Variants in TMC6 observed in about 807,000 individuals in gnomAD.
TMC6 encodes the protein transmembrane channel-like protein 6.
TMC6 carries 71 observed loss-of-function variants against 95.4 expected under a neutral mutation model. That is an observed-to-expected ratio of 0.74 (90% CI 0.61 to 0.91). The LOEUF is 0.91. Ranked by LOEUF, TMC6 falls within the 40% of genes least tolerant of loss-of-function variation. The pLI is 0.00. For missense variants in TMC6, 1,074 were observed against 1,079.1 expected (o/e 1.00, Z 0.07); for synonymous variants, 514 against 483.1 (o/e 1.06, Z -0.84).
In TMC6 at chr17:78,121,563, A is replaced by T; in HGVS notation, c.1376T>A (p.Met459Lys). 1 of 1,611,386 alleles carries T rather than the reference A, an allele frequency of 6.2e-7. No individual in the cohort carries two copies. The highest frequency in any genetic ancestry group is 8.5e-7 in the Non-Finnish European group (1 of 1,179,728). ...AVAVHVFSEF[M>K]IQSPEAAGQE... The stretch of plus-strand genomic sequence containing the variant: ...CTCCCCCCATCCCCGCACCTGGATC[A>T]TGAACTCCGAGAAGACGTGGACGGC... The change falls in exon 11 of 20, where the codon ATG becomes AAG. Residue 459 changes from methionine to lysine, a missense_variant. By Grantham distance (95) the Met-to-Lys change is moderately conservative. Coordinates refer to ENST00000590602, the MANE Select transcript of TMC6 (RefSeq NM_001127198.5). The surrounding 1 kb of genome is among the most constrained non-coding windows in gnomAD (Gnocchi z 5.6).
Position 78,113,558 on chromosome 17 carries a change from C to T in TMC6, c.2344G>A (p.Glu782Lys). The change falls in exon 19 of 20, where the codon GAG becomes AAG. Residue 782 changes from glutamate (E) to lysine (K), a missense_variant. Transcript: ENST00000590602. ...TCCACGGACCCTCACCTGCTCCTCT[C>T]CTCCCTCTCCTTCCTCTCGTAGATG... The part of the protein sequence containing the change: ...HSIYERKERE[E>K]RSRVGTTEEA... 5 of 1,614,008 alleles carry T rather than the reference C, an allele frequency of 3.1e-6. No individual in the cohort carries two copies. The highest frequency in any genetic ancestry group is 1.3e-5 in the African/African-American group (1 of 75,006).
chr17:78,116,839 C>T (rs1348902459), intron 18 of TMC6, among the ~76,000 whole-genome samples: 1 of 152,138 alleles, frequency 6.6e-6, no homozygotes, highest in African/African-American at 2.4e-5. Flanking sequence ...GAGACTGTGC[C>T]ACTGCACTCC....
At chr17:78,123,427 G>A (rs1433726107) in intron 9 of TMC6, among the ~76,000 whole-genome samples, 1 of 151,746 alleles carries the variant, frequency 6.6e-6, no homozygotes, top group East Asian at 1.9e-4. Context: ...GGATAGATAA[G>A]GAGGTGGATG....
upstream of TMC6, chr17:78,131,984 G>C: frequency 6.6e-7 from 1 of 1,525,170 alleles, no homozygotes; most frequent in African/African-American, 1.4e-5. Flanking sequence ...CGCAGCGGCT[G>C]GCCCGGGGCC....
chr17:78,121,128 CCAG>C lies in TMC6; in HGVS notation c.1417_1419del (p.Leu473del). On this transcript the variant is annotated inframe_deletion, in exon 12 of 20. Transcript: ENST00000590602. The surrounding 1 kb of genome is among the most constrained non-coding windows in gnomAD (Gnocchi z 5.6). ...AGGAGGCCAACCACCAGGGGCAGGA[CCAG>C]CAGCACAGCCTCCTGGCCAGCAGCC... 1.2e-6 allele frequency: 2 copies of C among 1,608,664 alleles called. No homozygotes were observed. Among genetic ancestry groups the C allele is most frequent in the African/African-American group, 2.7e-5 (2 of 74,852 alleles).
chr17:78,111,873 AAGCCTG>A lies in TMC6; in HGVS notation c.*1269_*1274del. On this transcript the variant is annotated 3_prime_UTR_variant, in exon 20 of 20. Coordinates refer to ENST00000590602, the MANE Select transcript of TMC6 (RefSeq NM_001127198.5). ...TGGGCTGTGACAGGCTGGTCCCCAC[AAGCCTG>A]GAACCCTGCGCCGTGACGGGCTGGT... is the stretch of plus-strand genomic sequence containing the variant. The A allele has an allele frequency of 4.8e-6, 1 of 210,464 alleles. No homozygotes were observed. The highest frequency in any genetic ancestry group is 2.4e-5 in the African/African-American group (1 of 41,640). 13.0% of individuals were successfully genotyped at this position (210,464 alleles called of 1,614,324 possible).
intron 13 of TMC6, chr17:78,120,152 C>CT (rs35789255): frequency 0.061 from 9,174 of 149,988 alleles, 27 homozygotes; most frequent in Non-Finnish European, 0.07. Context: ...ATACACGTTA[C>CT]TTTTTTTTTT....
chr17:78,119,518 C>G (rs2074302925), intron 13 of TMC6, 126 bp from the exon 14 acceptor site: 1 of 938,412 alleles, frequency 1.1e-6, no homozygotes, highest in African/African-American at 1.6e-5. Flanking sequence ...CAGATAATGC[C>G]AAGAAGAGAC....
intron 18 of TMC6, among the ~76,000 whole-genome samples, chr17:78,116,294 T>TA (rs1334441466): frequency 2.7e-5 from 4 of 147,724 alleles, no homozygotes; most frequent in African/African-American, 7.6e-5. Flanking sequence ...TTTTTTTTTT[T>TA]ATGAGACAGA....
chr17:78,119,856 G>A (rs183418802), intron 13 of TMC6: 41 of 340,982 alleles, frequency 1.2e-4, no homozygotes, highest in East Asian at 5.3e-4. Context: ...CTCTGTTGCC[G>A]AGGCTGGTCT....
Position 78,121,205 on chromosome 17 carries a change from C to T in TMC6, c.1384-41G>A. 2.6e-6 allele frequency: 4 copies of T among 1,554,460 alleles called. No individual in the cohort carries two copies. Among genetic ancestry groups the T allele is most frequent in the Non-Finnish European group, 3.5e-6 (4 of 1,151,344 alleles). ...GAGCGGTGTCATGGAAGCCCCCCAT[C>T]CATGGTGGGAGCGGGCAGCTACAGG... On this transcript the variant is annotated intron_variant, in intron 11 of 19. Coordinates refer to ENST00000590602, the MANE Select transcript of TMC6 (RefSeq NM_001127198.5). This position sits in a 1 kb window ranked among gnomAD's most constrained non-coding sequence, Gnocchi z 5.6.
In TMC6 at chr17:78,112,732, G is replaced by A; in HGVS notation, c.*416C>T. 1 of 272,046 alleles carries A rather than the reference G, an allele frequency of 3.7e-6. No homozygotes were observed. Among genetic ancestry groups the A allele is most frequent in the East Asian group, 9.7e-5 (1 of 10,360 alleles). The allele number at this position is 272,046 out of a possible 1,614,324, so 16.9% of individuals were successfully genotyped here. ...CCCTCCTGGGCGCGAGTTCAGGCTG[G>A]TCAAAGGCAGCAAGCGAATCAAGCC... On this transcript the variant is annotated 3_prime_UTR_variant, in exon 20 of 20. Transcript: ENST00000590602.
rs755122700 is a variant in TMC6 at position 78,117,501 on chromosome 17, G to C, written c.2165C>G (p.Thr722Ser). 32 of 1,608,964 alleles carry C rather than the reference G, an allele frequency of 2.0e-5. No individual in the cohort carries two copies. The highest frequency in any genetic ancestry group is 2.5e-5 in the Non-Finnish European group (30 of 1,178,890). The part of the protein sequence containing the change: ...PWVHRYLMEN[T>S]FFVFLVSALL... ...GGCTGACACCAGGAAGACAAAGAAGGTGTTTTCCATCAGGTACCGGTGCAC... is the reference window on the plus strand; with the variant it reads ...GGCTGACACCAGGAAGACAAAGAAGCTGTTTTCCATCAGGTACCGGTGCAC... The change falls in exon 17 of 20, where the codon ACC becomes AGC. Residue 722 changes from threonine (T) to serine (S), a missense_variant. Transcript: ENST00000590602.
Position 78,124,648 on chromosome 17 carries a change from A to G in TMC6, c.767T>C (p.Leu256Pro). 1 of 1,611,974 alleles carries G rather than the reference A, an allele frequency of 6.2e-7. No individual in the cohort carries two copies. The highest frequency in any genetic ancestry group is 8.5e-7 in the Non-Finnish European group (1 of 1,179,552). Residue 256 changes from leucine (L) to proline (P), a missense_variant, in exon 8 of 20, where the codon CTG becomes CCG. By Grantham distance (98) the Leu-to-Pro change is moderately conservative (BLOSUM62 -3). Transcript: ENST00000590602. The stretch of plus-strand genomic sequence containing the variant: ...CAGCAGCAGGAGGGCATTGAAAGCC[A>G]GCAGGGTCTTGAGAAAGAGGAAGTA... ...LSYFLFLKTL[L>P]AFNALLLLLL...
chr17:78,131,239 CAGACTTTCTGTGCCCTT>C, upstream of TMC6: 1 of 423,498 alleles, frequency 2.4e-6, no homozygotes, highest in Non-Finnish European at 4.4e-6. Flanking sequence ...TGTGCCGGTC[CAGACTTTCTGTGCCCTT>C]TGGATCTTTC....
chr17:78,118,826 G>A, intron 15 of TMC6, 145 bp downstream of exon 15: 5 of 872,442 alleles, frequency 5.7e-6, no homozygotes, highest in Non-Finnish European at 9.4e-6. Flanking sequence ...TGGGCGGAGG[G>A]ACAGGCCAGG....
chr17:78,122,612 C>T lies in TMC6; in HGVS notation c.1220G>A (p.Arg407Gln), dbSNP rs778240150. The change falls in exon 10 of 20, where the codon CGG (arginine) becomes CAG (glutamine). Residue 407 changes from arginine (R) to glutamine (Q), a missense_variant. Physicochemically the swap from Arg to Gln is conservative, Grantham distance 43. Transcript: ENST00000590602. The surrounding 1 kb of genome is among the most constrained non-coding windows in gnomAD (Gnocchi z 4.9). ...TGCTCCGGGGCCACTCACCTTCAGCCGGGTGCGAATATTGTCCTGCTGGAG... is the reference window on the plus strand; with the variant it reads ...TGCTCCGGGGCCACTCACCTTCAGCTGGGTGCGAATATTGTCCTGCTGGAG... ...SRLQQDNIRT[R>Q]LKELLAEWQL... The T allele has an allele frequency of 1.1e-5, 18 of 1,610,330 alleles. No individual in the cohort carries two copies. Among genetic ancestry groups the T allele is most frequent in the South Asian group, 2.2e-5 (2 of 91,072 alleles).
At chr17:78,119,892 C>A in intron 13 of TMC6, 1 of 329,382 alleles carries the variant, frequency 3.0e-6, no homozygotes, top group Non-Finnish European at 5.8e-6. Context: ...AAGTGATCCT[C>A]CCACCTCAGC....
chr17:78,113,716 C>T (rs1012118993), intron 18 of TMC6, 92 bp from the exon 19 acceptor site: 13 of 1,322,444 alleles, frequency 9.8e-6, no homozygotes, highest in South Asian at 2.3e-5. Flanking sequence ...GGAAAACTCA[C>T]GAGGTGTATT....
Sources: gnomAD v4.1 joint callset for allele counts (sites outside exome capture counted in the v4.1 genomes callset) on GRCh38, gnomAD v4.1.1 for gene constraint, Gnocchi (gnomAD v3.1) non-coding constraint, MANE v1.5 for transcripts, NCBI Gene and HGNC (gene_info 2026-07-23, HGNC 2026-07-21) for gene names.